Variants in ZBTB20 observed in about 807,000 individuals in gnomAD.
ZBTB20 encodes the protein zinc finger and BTB domain-containing protein 20.
Under a neutral mutation model 56.9 loss-of-function variants are expected in ZBTB20, and 9 were observed. The observed-to-expected ratio is 0.16, with a 90% CI of 0.10 to 0.28. The LOEUF is 0.28. Ranked by LOEUF, ZBTB20 falls within the 10% of genes least tolerant of loss-of-function variation. The pLI is 1.00. For missense variants in ZBTB20, 655 were observed against 1,003.0 expected, an observed-to-expected ratio of 0.65 and a Z score of 4.69; for synonymous variants, 417 against 420.7, an observed-to-expected ratio of 0.99 and a Z score of 0.11.
At chr3:114,483,911 AAG>A (rs1445857528) in intron 7 of ZBTB20, among the ~76,000 whole-genome samples, 3 of 151,728 alleles carry the variant, frequency 2.0e-5, no homozygotes, top group Admixed American at 6.6e-5. Flanking sequence ...CCTTTGAACT[AAG>A]GTTCAAAGGA....
intron 2 of ZBTB20, among the ~76,000 whole-genome samples, chr3:114,993,693 A>G (rs958853402): frequency 2.0e-5 from 3 of 151,924 alleles, no homozygotes; most frequent in Admixed American, 1.3e-4. Context: ...TAATTGAAAT[A>G]TTAATTATTT....
intron 3 of ZBTB20, among the ~76,000 whole-genome samples, chr3:114,959,587 T>A (rs1473253279): frequency 6.6e-6 from 1 of 152,130 alleles, no homozygotes; most frequent in Non-Finnish European, 1.5e-5. Context: ...TTTTGTTGTT[T>A]TGTTTGTATG....
At chr3:115,008,861 G>A (rs2079579758) in intron 2 of ZBTB20, among the ~76,000 whole-genome samples, 1 of 151,896 alleles carries the variant, frequency 6.6e-6, no homozygotes, top group South Asian at 2.1e-4. Context: ...TTTAAAAAGT[G>A]AGAGTTCTTT....
chr3:114,482,549 C>T (rs1255049395), intron 7 of ZBTB20, among the ~76,000 whole-genome samples: 3 of 152,136 alleles, frequency 2.0e-5, no homozygotes, highest in Non-Finnish European at 4.4e-5. Flanking sequence ...TCTTAATCTA[C>T]ACAAATTTTT....
intron 8 of ZBTB20, among the ~76,000 whole-genome samples, chr3:114,386,825 T>C (rs1254461508): frequency 1.3e-5 from 2 of 152,128 alleles, no homozygotes; most frequent in Non-Finnish European, 2.9e-5. Flanking sequence ...TCTTATACTT[T>C]CAATTATACT....
At chr3:114,729,509 C>G (rs978715632) in intron 5 of ZBTB20, among the ~76,000 whole-genome samples, 1 of 152,048 alleles carries the variant, frequency 6.6e-6, no homozygotes, top group African/African-American at 2.4e-5. Context: ...ATTATATTCT[C>G]CCTCTACTTT....
At chr3:114,928,381 CCTCAAGGTTCTTCAATGAT>C in intron 3 of ZBTB20, among the ~76,000 whole-genome samples, 1 of 149,116 alleles carries the variant, frequency 6.7e-6, no homozygotes, top group African/African-American at 2.4e-5. Context: ...TGATGGAGAA[CCTCAAGGTTCTTCAATGAT>C]GGAGAACCTC....
chr3:114,605,500 T>C (rs1199874453), intron 6 of ZBTB20, among the ~76,000 whole-genome samples: 1 of 152,226 alleles, frequency 6.6e-6, no homozygotes, highest in Non-Finnish European at 1.5e-5. Context: ...TTCATTTGTA[T>C]TAATTAAACA....
Position 114,321,212 on chromosome 3 carries a change from GAAAT to G in ZBTB20, c.*17789_*17792del, listed in dbSNP as rs2078882556. 1 of 152,178 alleles carries G rather than the reference GAAAT, an allele frequency of 6.6e-6. No individual in the cohort carries two copies. Among genetic ancestry groups the G allele is most frequent in the Non-Finnish European group, 1.5e-5 (1 of 68,032 alleles). 9.4% of individuals were successfully genotyped at this position (152,178 alleles called of 1,614,324 possible). A position where few individuals can be genotyped will look rare whatever the true frequency, so the allele number is the denominator to read the frequency against. On this transcript the variant is annotated 3_prime_UTR_variant, in exon 12 of 12. Coordinates refer to ENST00000675478, the MANE Select transcript of ZBTB20 (RefSeq NM_001348800.3). ...TCTAGTAACATATAATATATGAGAT[GAAAT>G]ATAATTCTGTTAGAGAGGACATGGT...
intron 1 of ZBTB20, among the ~76,000 whole-genome samples, chr3:115,081,474 A>C (rs571586869): frequency 7.9e-5 from 12 of 152,172 alleles, no homozygotes; most frequent in Non-Finnish European, 1.5e-4. Context: ...CAATCCTTGA[A>C]TATCTCAATC....
intron 6 of ZBTB20, among the ~76,000 whole-genome samples, chr3:114,637,841 T>C (rs571129871): frequency 2.6e-5 from 4 of 152,252 alleles, no homozygotes; most frequent in Non-Finnish European, 4.4e-5. Context: ...CATTATTTTA[T>C]TGATTGAATT....
chr3:114,755,527 A>G (rs2067942156), intron 5 of ZBTB20, among the ~76,000 whole-genome samples: 1 of 152,186 alleles, frequency 6.6e-6, no homozygotes, highest in Non-Finnish European at 1.5e-5. Context: ...ATAAAAGTGA[A>G]TGCCTTCTAA....
rs143618199 is a variant in ZBTB20, at chr3:114,352,885, T to C, written c.200-1007A>G. ...TGGGTAATAGGGTGCTTTATGTACT[T>C]GCCACAGGGAAGTATTAAACAGCTC... On this transcript the variant is annotated intron_variant, in intron 10 of 11. Transcript: ENST00000675478. Among the ~76,000 whole-genome samples, 694 of 152,246 alleles carry C rather than the reference T, an allele frequency of 4.6e-3. 6 individuals are homozygous for C. Among genetic ancestry groups the C allele is most frequent in the Non-Finnish European group, 7.3e-3 (497 of 68,014 alleles).
chr3:114,905,603 T>G (rs1050982132), intron 3 of ZBTB20, among the ~76,000 whole-genome samples: 8 of 151,876 alleles, frequency 5.3e-5, no homozygotes, highest in Non-Finnish European at 1.0e-4. Context: ...CTTGTATTCT[T>G]GATGATTAAG....
At chr3:114,362,837 C>T (rs1386851907) in intron 10 of ZBTB20, among the ~76,000 whole-genome samples, 5 of 152,146 alleles carry the variant, frequency 3.3e-5, no homozygotes, top group East Asian at 1.9e-4. Context: ...GGCCAAACTC[C>T]GATCACTTTT....
At chr3:114,749,515 T>C (rs549177017) in intron 5 of ZBTB20, among the ~76,000 whole-genome samples, 4 of 150,366 alleles carry the variant, frequency 2.7e-5, no homozygotes, top group Non-Finnish European at 5.9e-5. Context: ...ATCGCACCAT[T>C]GCACTCCAAC....
At chr3:114,746,793 A>T (rs2067077114) in intron 5 of ZBTB20, among the ~76,000 whole-genome samples, 1 of 152,236 alleles carries the variant, frequency 6.6e-6, no homozygotes, top group African/African-American at 2.4e-5. Context: ...GATTGGGATT[A>T]TAACCATATC....
intron 6 of ZBTB20, among the ~76,000 whole-genome samples, chr3:114,560,409 C>T (rs555204703): frequency 2.6e-5 from 4 of 152,118 alleles, no homozygotes; most frequent in Admixed American, 6.6e-5. Flanking sequence ...TTTATTACTT[C>T]ACTTAATCCT....
At chr3:115,140,211 C>T (rs1032651730) in intron 1 of ZBTB20, among the ~76,000 whole-genome samples, 1 of 151,808 alleles carries the variant, frequency 6.6e-6, no homozygotes, top group East Asian at 1.9e-4. Flanking sequence ...AATTAATGGC[C>T]GCAGTAGAAC....
Sources: allele counts gnomAD v4.1 joint callset (sites outside exome capture counted in the v4.1 genomes callset), GRCh38; gene constraint gnomAD v4.1.1; transcripts MANE v1.5; gene names NCBI Gene and HGNC (gene_info 2026-07-23, HGNC 2026-07-21).